The following WDR41 variants were observed in gnomAD, a reference collection of about 807,000 sequenced individuals.
WDR41 encodes the protein WD repeat domain 41, also known as WD repeat-containing protein 41.
WDR41 carries 63 observed loss-of-function variants against 69.3 expected under a neutral mutation model. That is an observed-to-expected ratio of 0.91 (90% CI 0.74 to 1.12). The LOEUF (loss-of-function observed/expected upper bound fraction) is 1.12. Ranked by LOEUF, WDR41 falls within the 50% of genes most tolerant of loss-of-function variation. WDR41 has a pLI of 0.00. For missense variants in WDR41, 543 were observed against 534.5 expected, an observed-to-expected ratio of 1.02 and a Z score of -0.16; for synonymous variants, 185 against 192.1, an observed-to-expected ratio of 0.96 and a Z score of 0.31.
intron 1 of WDR41, among the ~76,000 whole-genome samples, chr5:77,605,237 G>C (rs568343194): frequency 3.9e-4 from 60 of 152,240 alleles, no homozygotes; most frequent in Non-Finnish European, 2.8e-4. Context: ...TGCTGTGTTA[G>C]CACACATTCT....
chr5:77,472,821 A>G (rs928242558), intron 2 of WDR41, among the ~76,000 whole-genome samples: 53 of 152,178 alleles, frequency 3.5e-4, no homozygotes, highest in African/African-American at 1.1e-3. Context: ...GGAAGAATCA[A>G]TATCGTGAAA....
At chr5:77,530,318 C>T (rs1025758147) in intron 1 of WDR41, among the ~76,000 whole-genome samples, 3 of 151,576 alleles carry the variant, frequency 2.0e-5, no homozygotes, top group Non-Finnish European at 4.4e-5. Context: ...AAGACTTGGA[C>T]AAGAATGTTG....
intron 1 of WDR41, among the ~76,000 whole-genome samples, chr5:77,498,824 AAAAAAGAAAAAAG>A (rs1561207084): frequency 6.6e-6 from 1 of 151,046 alleles, no homozygotes; most frequent in East Asian, 1.9e-4. Flanking sequence ...ATCAAAAAAA[AAAAAAGAAAAAAG>A]AAAAAGAAAA....
At position 77,492,153 on chromosome 5, in the gene WDR41, AC is replaced by A. The variant is rs1282983196; in HGVS notation, c.51+16del. 1 of 1,610,688 alleles carries A rather than the reference AC, an allele frequency of 6.2e-7. No individual in the cohort carries two copies. Among genetic ancestry groups the A allele is most frequent in the Non-Finnish European group, 8.5e-7 (1 of 1,178,730 alleles). ...AGCAAGCTCGACGGACGCAGAGCAGACCCACCCGGGGTTTACCTCGGCCAGT... is the reference window on the plus strand; with the variant it reads ...AGCAAGCTCGACGGACGCAGAGCAGACCACCCGGGGTTTACCTCGGCCAGT... On this transcript the variant is annotated intron_variant, in intron 1 of 12. Transcript: ENST00000296679.
At chr5:77,504,666 C>T (rs1426300387) in intron 1 of WDR41, among the ~76,000 whole-genome samples, 1 of 152,160 alleles carries the variant, frequency 6.6e-6, no homozygotes, top group East Asian at 1.9e-4. Flanking sequence ...CATCAAAAAG[C>T]TTATCCACCA....
intron 1 of WDR41, among the ~76,000 whole-genome samples, chr5:77,601,139 T>C (rs1744317671): frequency 6.6e-6 from 1 of 152,052 alleles, no homozygotes. Context: ...AAGGCTAAAA[T>C]TGAAACATGA....
chr5:77,564,906 C>T (rs1743593287), intron 1 of WDR41, among the ~76,000 whole-genome samples: 1 of 152,024 alleles, frequency 6.6e-6, no homozygotes, highest in South Asian at 2.1e-4. Context: ...TGAGTATTTT[C>T]CCCTTTTAAA....
chr5:77,580,240 C>T (rs962047005), intron 1 of WDR41, among the ~76,000 whole-genome samples: 2 of 152,152 alleles, frequency 1.3e-5, no homozygotes, highest in African/African-American at 2.4e-5. Context: ...GTTTAATTGA[C>T]TCACAGTTCA....
intron 1 of WDR41, among the ~76,000 whole-genome samples, chr5:77,600,471 A>G (rs1227723066): frequency 3.3e-5 from 5 of 152,146 alleles, no homozygotes; most frequent in Admixed American, 2.0e-4. Flanking sequence ...GCATAAGGGG[A>G]TTTTTGGAGG....
chr5:77,474,862 C>T (rs751165150), intron 2 of WDR41, among the ~76,000 whole-genome samples: 3 of 152,158 alleles, frequency 2.0e-5, no homozygotes, highest in African/African-American at 4.8e-5. Context: ...CCAGCGTGAG[C>T]GACGCAGAAG....
chr5:77,474,926 T>C (rs1307034594), intron 2 of WDR41, among the ~76,000 whole-genome samples: 1 of 151,926 alleles, frequency 6.6e-6, no homozygotes, highest in Non-Finnish European at 1.5e-5. Flanking sequence ...CACTAGGGAG[T>C]GCCAGACAGT....
At chr5:77,478,723 T>A (rs954905555) in intron 2 of WDR41, among the ~76,000 whole-genome samples, 1 of 151,530 alleles carries the variant, frequency 6.6e-6, no homozygotes, top group African/African-American at 2.4e-5. Context: ...AATATCATAC[T>A]GAATGGGCAA....
At chr5:77,522,555 T>C (rs1368921459) in intron 1 of WDR41, among the ~76,000 whole-genome samples, 1 of 151,674 alleles carries the variant, frequency 6.6e-6, no homozygotes, top group Admixed American at 6.6e-5. Context: ...TGGGAGAATC[T>C]CTTGAACCCG....
intron 12 of WDR41, among the ~76,000 whole-genome samples, chr5:77,435,579 CT>C (rs1325105949): frequency 6.6e-6 from 1 of 152,178 alleles, no homozygotes; most frequent in Non-Finnish European, 1.5e-5. Context: ...ATTTTTTGTT[CT>C]TTGGCTATGA....
chr5:77,613,556 A>G (rs918492246), intron 1 of WDR41, among the ~76,000 whole-genome samples: 3 of 152,208 alleles, frequency 2.0e-5, no homozygotes, highest in South Asian at 2.1e-4. Flanking sequence ...AGGATTCCCT[A>G]TTTAATAAAT....
chr5:77,620,390 G>T, intron 1 of WDR41: 1 of 433,110 alleles, frequency 2.3e-6, no homozygotes, highest in Non-Finnish European at 4.6e-6. Context: ...TGTTTTAATA[G>T]GGGAAAAGAA....
At chr5:77,552,023 A>C (rs1298711472) in intron 1 of WDR41, among the ~76,000 whole-genome samples, 63 of 143,112 alleles carry the variant, frequency 4.4e-4, no homozygotes, top group African/African-American at 1.6e-3. Context: ...AATAAAATAA[A>C]ATAAAATAAA....
chr5:77,449,264 C>T (rs941489259), intron 8 of WDR41, among the ~76,000 whole-genome samples: 1 of 152,060 alleles, frequency 6.6e-6, no homozygotes, highest in Non-Finnish European at 1.5e-5. Flanking sequence ...AAGACATGAC[C>T]CATTTTCTGC....
intron 1 of WDR41, among the ~76,000 whole-genome samples, chr5:77,618,805 AG>A (rs1411038274): frequency 6.6e-6 from 1 of 152,218 alleles, no homozygotes; most frequent in Non-Finnish European, 1.5e-5. Context: ...CAAGCAATAA[AG>A]GTTGAAGACT....
Sources: allele counts gnomAD v4.1 joint callset (sites outside exome capture counted in the v4.1 genomes callset), GRCh38; gene constraint gnomAD v4.1.1; transcripts MANE v1.5; gene names NCBI Gene and HGNC (gene_info 2026-07-23, HGNC 2026-07-21).